The following C3orf20 variants were observed in gnomAD, a reference collection of about 807,000 sequenced individuals.
C3orf20 encodes the protein uncharacterized protein C3orf20.
C3orf20 carries 76 observed loss-of-function variants against 88.3 expected under a neutral mutation model. The observed-to-expected ratio is 0.86, with a 90% CI of 0.72 to 1.04. C3orf20 has a LOEUF of 1.04. C3orf20 is among the 50% of genes least tolerant of loss of function. The probability of loss-of-function intolerance (pLI) is 0.00; values close to 1 mark genes in which losing one functional copy is unlikely to be tolerated. For synonymous variants in C3orf20, 436 were observed against 437.4 expected (o/e 1.00, Z 0.04); for missense variants, 1,056 against 1,123.3 (o/e 0.94, Z 0.86).
At chr3:14,681,158 G>A (rs2032067719) in intron 1 of C3orf20, among the ~76,000 whole-genome samples, 2 of 152,200 alleles carry the variant, frequency 1.3e-5, no homozygotes, top group African/African-American at 4.8e-5. Flanking sequence ...GGTGACTCCT[G>A]ACCAAGAGCT....
chr3:14,703,025 A>G (rs2033338914), intron 5 of C3orf20, 105 bp from the exon 6 acceptor site: 2 of 1,359,880 alleles, frequency 1.5e-6, no homozygotes, highest in Admixed American at 3.8e-5. Context: ...AAAGCTCCAA[A>G]ATGATCTCCT....
chr3:14,720,911 AC>A (rs2034133368), intron 9 of C3orf20, among the ~76,000 whole-genome samples: 1 of 152,220 alleles, frequency 6.6e-6, no homozygotes, highest in Non-Finnish European at 1.5e-5. Flanking sequence ...AGCGAAGCTA[AC>A]TGGCTTGTTA....
At chr3:14,746,369 G>C (rs1259270036) in intron 12 of C3orf20, among the ~76,000 whole-genome samples, 1 of 152,136 alleles carries the variant, frequency 6.6e-6, no homozygotes, top group Non-Finnish European at 1.5e-5. Context: ...CTGCTACTAG[G>C]TAAATTTAGT....
At chr3:14,742,175 G>A (rs1346421891) in intron 12 of C3orf20, among the ~76,000 whole-genome samples, 1 of 152,176 alleles carries the variant, frequency 6.6e-6, no homozygotes, top group Non-Finnish European at 1.5e-5. Flanking sequence ...CAATACTTTT[G>A]CACCAACCTA....
At position 14,690,129 on chromosome 3, in the gene C3orf20, C is replaced by T; in HGVS notation, c.745+13C>T. 6.2e-7 allele frequency: 1 copy of T among 1,613,886 alleles called. No individual in the cohort carries two copies. Reference sequence around the variant, plus strand: ...AAGAAGAAAATAGGTAAAAATGGTTCCTCGTGGCCTACCATTCATTGGTGG... The same window carrying T: ...AAGAAGAAAATAGGTAAAAATGGTTTCTCGTGGCCTACCATTCATTGGTGG... On this transcript the variant is annotated intron_variant, in intron 5 of 16. Transcript: ENST00000253697.
chr3:14,721,867 C>T (rs1471133905), intron 10 of C3orf20, 83 bp downstream of exon 10: 3 of 1,550,432 alleles, frequency 1.9e-6, no homozygotes, highest in Non-Finnish European at 2.6e-6. Context: ...AGGGCCTTTG[C>T]TCTTACTCCC....
At chr3:14,727,843 T>C (rs1256914821) in intron 11 of C3orf20, among the ~76,000 whole-genome samples, 2 of 152,200 alleles carry the variant, frequency 1.3e-5, no homozygotes, top group African/African-American at 4.8e-5. Flanking sequence ...CTACTTAGCA[T>C]TGTGACTATG....
rs371911579 is a variant in C3orf20, at chr3:14,706,828, A to G, written c.1160+2210A>G. Among the ~76,000 whole-genome samples the G allele has an allele frequency of 1.2e-4, 18 of 152,170 alleles. No homozygotes were observed. The East Asian group carries it at 2.7e-3, about 23-fold the overall frequency. ...AAATGGTCAGAACACATGTGCAGCT[A>G]TTTGATCCCTCTCAAGTACAGAAAA... On this transcript the variant is annotated intron_variant, in intron 7 of 16. Coordinates refer to ENST00000253697, the MANE Select transcript of C3orf20 (RefSeq NM_032137.5).
rs1042028800 is a variant in C3orf20, at chr3:14,761,022, G to A, written c.2353-451G>A. Among the ~76,000 whole-genome samples, 9 of 152,126 alleles carry A rather than the reference G, an allele frequency of 5.9e-5. No individual in the cohort carries two copies. The East Asian group carries it at 1.6e-3, about 26-fold the overall frequency. On this transcript the variant is annotated intron_variant, in intron 14 of 16. Coordinates refer to ENST00000253697, the MANE Select transcript of C3orf20 (RefSeq NM_032137.5). Reference sequence around the variant, plus strand: ...ACTTGTTGGGGACTGACCTATGGGGGTGGGAGCCCTGCCCTCAAGGGTTTC... The same window carrying A: ...ACTTGTTGGGGACTGACCTATGGGGATGGGAGCCCTGCCCTCAAGGGTTTC...
chr3:14,715,462 G>C, intron 9 of C3orf20, 53 bp downstream of exon 9: 1 of 1,574,246 alleles, frequency 6.4e-7, no homozygotes, highest in Non-Finnish European at 8.6e-7. Flanking sequence ...GTCACAGGGA[G>C]GGTCTGGGCA....
intron 6 of C3orf20, among the ~76,000 whole-genome samples, chr3:14,703,648 C>T (rs2033374044): frequency 6.6e-6 from 1 of 152,258 alleles, no homozygotes; most frequent in African/African-American, 2.4e-5. Flanking sequence ...GCCTCTGCAG[C>T]ACCTTGCCAG....
chr3:14,745,776 A>G (rs1412884208), intron 12 of C3orf20, among the ~76,000 whole-genome samples: 1 of 152,248 alleles, frequency 6.6e-6, no homozygotes, highest in African/African-American at 2.4e-5. Flanking sequence ...TTGTATTTAT[A>G]TTATTAAAAG....
intron 12 of C3orf20, among the ~76,000 whole-genome samples, chr3:14,753,674 TG>T (rs1416278831): frequency 6.6e-6 from 1 of 152,210 alleles, no homozygotes; most frequent in Non-Finnish European, 1.5e-5. Context: ...TATTAGAATG[TG>T]GTAACCCTGG....
In C3orf20 at chr3:14,734,334, T is replaced by C. The variant is rs965218353; in HGVS notation, c.1940+5646T>C. 2.6e-5 allele frequency among the ~76,000 whole-genome samples: 4 copies of C among 152,132 alleles called. No homozygotes were observed. The East Asian group carries it at 7.7e-4, about 29-fold the overall frequency. ...TTTTTCTTTTTTGAATATATACATA[T>C]AATATTACAAATTTCCCTCAAAGTC... On this transcript the variant is annotated intron_variant, in intron 12 of 16. Transcript: ENST00000253697.
chr3:14,715,516 T>C (rs2033906186), intron 9 of C3orf20, 107 bp downstream of exon 9: 2 of 1,383,250 alleles, frequency 1.4e-6, no homozygotes, highest in Non-Finnish European at 9.6e-7. Context: ...GGGCTACCCG[T>C]AAGACAGGAA....
rs889216835 is a variant in C3orf20 at position 14,768,654 on chromosome 3, G to C, written c.2496-3413G>C. ...TGGTGTTAAAACTACCTCTTTTCTG[G>C]ACTGGGGCCTGAGGGGGCGCTGAGT... On this transcript the variant is annotated intron_variant, in intron 15 of 16. Transcript: ENST00000253697. This position sits in a 1 kb window ranked among gnomAD's most constrained non-coding sequence, Gnocchi z 4.1. Among the ~76,000 whole-genome samples, 1 of 151,960 alleles carries C rather than the reference G, an allele frequency of 6.6e-6. No homozygotes were observed. The highest frequency in any genetic ancestry group is 2.4e-5 in the African/African-American group (1 of 41,284).
intron 12 of C3orf20, among the ~76,000 whole-genome samples, chr3:14,749,697 AT>A (rs34518822): frequency 7.0e-4 from 102 of 146,724 alleles, no homozygotes; most frequent in Non-Finnish European, 8.7e-4. Flanking sequence ...CGTTTAATTG[AT>A]TTTTTTTTTT....
intron 12 of C3orf20, among the ~76,000 whole-genome samples, chr3:14,740,691 CT>C (rs933532148): frequency 6.6e-6 from 1 of 151,410 alleles, no homozygotes; most frequent in Non-Finnish European, 1.5e-5. Flanking sequence ...TATATTTCAT[CT>C]TTTTTTTTCC....
chr3:14,729,472 G>A (rs907117104), intron 12 of C3orf20, among the ~76,000 whole-genome samples: 5 of 152,170 alleles, frequency 3.3e-5, no homozygotes, highest in African/African-American at 7.2e-5. Flanking sequence ...CGACTGAGAC[G>A]TAGGCAGGAG....
Sources: allele counts gnomAD v4.1 joint callset (sites outside exome capture counted in the v4.1 genomes callset), GRCh38; gene constraint gnomAD v4.1.1; non-coding constraint Gnocchi (gnomAD v3.1); transcripts MANE v1.5; gene names NCBI Gene and HGNC (gene_info 2026-07-23, HGNC 2026-07-21).